Variants in PMS1 observed in about 807,000 individuals in gnomAD.
The protein encoded by PMS1 is PMS1 protein homolog 1.
PMS1 carries 79 observed loss-of-function variants against 93.1 expected under a neutral mutation model. The ratio of observed to expected loss-of-function variants is 0.85; its 90% CI spans 0.71 to 1.02. PMS1 has a LOEUF of 1.02. Among genes scored for constraint, PMS1 ranks in the 50% least tolerant of loss-of-function variants. The pLI is 0.00. For missense variants in PMS1, 1,064 were observed against 1,085.3 expected, an observed-to-expected ratio of 0.98 and a Z score of 0.28; for synonymous variants, 335 against 363.4, an observed-to-expected ratio of 0.92 and a Z score of 0.89.
chr2:189,873,559 G>A lies in PMS1; in HGVS notation c.2537G>A (p.Gly846Glu). 1 of 1,600,152 alleles carries A rather than the reference G, an allele frequency of 6.2e-7. No individual in the cohort carries two copies. ...EGMANCLPFY[G>E]VADLKEILNA... ...ATGGCTAATTGTCTCCCATTCTATG[G>A]AGTAGCAGATTTAAAAGAAATTCTT... Residue 846 changes from glycine (G) to glutamate (E), a missense_variant, in exon 12 of 13, where the codon GGA becomes GAA. Physicochemically the swap from Gly to Glu is moderately conservative, Grantham distance 98 (BLOSUM62 -2). Transcript: ENST00000441310.
chr2:189,857,558 C>T (rs2055474406), intron 9 of PMS1: 2 of 412,080 alleles, frequency 4.9e-6, no homozygotes, highest in Non-Finnish European at 1.0e-5. Context: ...TCAGTCCATC[C>T]TTTTCTTCCT....
At chr2:189,788,534 G>A (rs1002368781) in intron 1 of PMS1, among the ~76,000 whole-genome samples, 29 of 152,140 alleles carry the variant, frequency 1.9e-4, no homozygotes, top group African/African-American at 7.0e-4. Flanking sequence ...CCAAAGTAGT[G>A]TGATTTCAGA....
chr2:189,865,842 A>G (rs1200233198), intron 10 of PMS1, among the ~76,000 whole-genome samples: 2 of 152,224 alleles, frequency 1.3e-5, no homozygotes, highest in Non-Finnish European at 2.9e-5. Context: ...TTTGTTCCCT[A>G]GGACACATCG....
rs141799443 is a variant in PMS1 at position 189,812,029 on chromosome 2, G to A, written c.419-5988G>A. On this transcript the variant is annotated intron_variant, in intron 4 of 12. Coordinates refer to ENST00000441310, the MANE Select transcript of PMS1 (RefSeq NM_000534.5). Reference sequence around the variant, plus strand: ...TAAATTTAAAATTACAGGCGGGTGCGGTGGCTCACGCCTGTAATCCCAGCA... The same window carrying A: ...TAAATTTAAAATTACAGGCGGGTGCAGTGGCTCACGCCTGTAATCCCAGCA... Among the ~76,000 whole-genome samples, 297 of 152,142 alleles carry A rather than the reference G, an allele frequency of 2.0e-3. 1 individual carries two copies. Among genetic ancestry groups the A allele is most frequent in the African/African-American group, 6.5e-3 (272 of 41,546 alleles).
intron 9 of PMS1, chr2:189,857,610 T>G: frequency 2.6e-6 from 1 of 390,866 alleles, no homozygotes; most frequent in Non-Finnish European, 5.2e-6. Flanking sequence ...TTTCTTCTTC[T>G]CTCGATTCCT....
At position 189,793,014 on chromosome 2, in the gene PMS1, C is replaced by T. The variant is rs138317330; in HGVS notation, c.132+1073C>T. On this transcript the variant is annotated intron_variant, in intron 2 of 12. Coordinates refer to ENST00000441310, the MANE Select transcript of PMS1 (RefSeq NM_000534.5). ...TAGTAGAGATGGGGTTTCGCCATGT[C>T]GGCCAGTCTGGTCTTGAACTCCTGA... is the stretch of plus-strand genomic sequence containing the variant. Among the ~76,000 whole-genome samples the T allele has an allele frequency of 4.9e-3, 748 of 151,962 alleles. 4 individuals are homozygous for T. Among genetic ancestry groups the T allele is most frequent in the African/African-American group, 0.017 (688 of 41,470 alleles).
chr2:189,877,511 T>C lies in PMS1; in HGVS notation c.*75T>C. Reference sequence around the variant, plus strand: ...AAACAGCATGAGTCTGGTTTTAAATTATCTTTGTATTATGTGTCACATGGT... The same window carrying C: ...AAACAGCATGAGTCTGGTTTTAAATCATCTTTGTATTATGTGTCACATGGT... On this transcript the variant is annotated 3_prime_UTR_variant, in exon 13 of 13. Coordinates refer to ENST00000441310, the MANE Select transcript of PMS1 (RefSeq NM_000534.5). The C allele has an allele frequency of 1.0e-6, 1 of 966,108 alleles. No individual in the cohort carries two copies. 59.8% of individuals were successfully genotyped at this position (966,108 alleles called of 1,614,324 possible).
rs528800292 is a variant in PMS1, at chr2:189,786,383, A to G, written c.-21+1790A>G. On this transcript the variant is annotated intron_variant, in intron 1 of 12. Coordinates refer to ENST00000441310, the MANE Select transcript of PMS1 (RefSeq NM_000534.5). The stretch of plus-strand genomic sequence containing the variant: ...TGGTTATTGCAGTAGTTCAGGAGAG[A>G]AAGGCCGAATGGAGGCAGTACAAAG... 3.3e-5 allele frequency among the ~76,000 whole-genome samples: 5 copies of G among 152,290 alleles called. No homozygotes were observed. The South Asian group carries it at 1.0e-3, about 32-fold the overall frequency.
intron 5 of PMS1, among the ~76,000 whole-genome samples, chr2:189,832,613 G>C (rs5743077): frequency 0.12 from 18,896 of 152,006 alleles, 1,281 homozygotes; most frequent in Middle Eastern, 0.17. Flanking sequence ...CTACAGGCGC[G>C]TGCCACCATG....
chr2:189,848,002 A>G (rs896277633), intron 6 of PMS1, among the ~76,000 whole-genome samples: 11 of 152,278 alleles, frequency 7.2e-5, no homozygotes, highest in Non-Finnish European at 1.3e-4. Flanking sequence ...GTGGCCAGCT[A>G]CAGTGTTAGC....
intron 3 of PMS1, among the ~76,000 whole-genome samples, chr2:189,796,156 C>T (rs2049333623): frequency 6.6e-6 from 1 of 151,958 alleles, no homozygotes; most frequent in South Asian, 2.1e-4. Flanking sequence ...GTCAGGAGTT[C>T]GAGACTAGCC....
chr2:189,826,383 G>A (rs1465123066), intron 5 of PMS1, among the ~76,000 whole-genome samples: 6 of 151,260 alleles, frequency 4.0e-5, no homozygotes, highest in South Asian at 2.1e-4. Context: ...TAAAGAAGGC[G>A]GACATCTTTT....
rs755937219 is a variant in PMS1, at chr2:189,854,363, C to T, written c.1091C>T (p.Ala364Val). 10 of 1,601,354 alleles carry T rather than the reference C, an allele frequency of 6.2e-6. No individual in the cohort carries two copies. The highest frequency in any genetic ancestry group is 7.7e-6 in the Non-Finnish European group (9 of 1,173,120). ...SAADIVLSKTAETDVLFNKVE... is the reference protein window; with the variant it reads ...SAADIVLSKTVETDVLFNKVE... ...GCTGACATCGTTCTTAGTAAAACAGCAGAAACAGATGTGCTTTTTAATAAA... is the reference window on the plus strand; with the variant it reads ...GCTGACATCGTTCTTAGTAAAACAGTAGAAACAGATGTGCTTTTTAATAAA... Residue 364 changes from alanine (A) to valine (V), a missense_variant, in exon 9 of 13, where the codon GCA (alanine) becomes GTA (valine). Coordinates refer to ENST00000441310, the MANE Select transcript of PMS1 (RefSeq NM_000534.5).
intron 3 of PMS1, among the ~76,000 whole-genome samples, chr2:189,799,757 A>C (rs1424825404): frequency 6.6e-6 from 1 of 152,206 alleles, no homozygotes; most frequent in Non-Finnish European, 1.5e-5. Context: ...GCTTGCCCTT[A>C]CCGCAGCTGA....
intron 6 of PMS1, among the ~76,000 whole-genome samples, chr2:189,849,420 C>A (rs945211087): frequency 6.6e-6 from 1 of 151,904 alleles, no homozygotes; most frequent in Non-Finnish European, 1.5e-5. Context: ...TTATAGCTAC[C>A]AATTCTAATT....
At chr2:189,791,655 T>C (rs1334541239) in intron 1 of PMS1, 135 bp from the exon 2 acceptor site, 6 of 647,672 alleles carry the variant, frequency 9.3e-6, no homozygotes, top group Non-Finnish European at 8.2e-6. Context: ...TAATATTGTA[T>C]GTGCTAACAG....
intron 5 of PMS1, among the ~76,000 whole-genome samples, chr2:189,841,855 T>C (rs1404293764): frequency 5.9e-3 from 1 of 170 alleles, no homozygotes; most frequent in Non-Finnish European, 0.014. Context: ...CATCAAATAT[T>C]TAAATCACTG....
chr2:189,810,292 C>T (rs1250214359), intron 4 of PMS1, among the ~76,000 whole-genome samples: 1 of 152,170 alleles, frequency 6.6e-6, no homozygotes, highest in African/African-American at 2.4e-5. Context: ...GGGGAAAAAA[C>T]ATAATTTTAA....
chr2:189,809,457 T>C (rs952288954), intron 4 of PMS1, among the ~76,000 whole-genome samples: 3 of 146,030 alleles, frequency 2.1e-5, no homozygotes, highest in African/African-American at 7.5e-5. Flanking sequence ...CTTTTTTTTT[T>C]TTTTTTTTTT....
Sources: allele counts gnomAD v4.1 joint callset (sites outside exome capture counted in the v4.1 genomes callset), GRCh38; gene constraint gnomAD v4.1.1; transcripts MANE v1.5; gene names NCBI Gene and HGNC (gene_info 2026-07-23, HGNC 2026-07-21).